SEZ6L: variants seen among roughly 807,000 people sequenced by gnomAD.
SEZ6L encodes seizure related 6 homolog like.
Under a neutral mutation model 106.2 loss-of-function variants are expected in SEZ6L, and 37 were observed. That is an observed-to-expected ratio of 0.35 (90% confidence interval 0.27 to 0.46). The LOEUF is 0.46. Among genes scored for constraint, SEZ6L ranks in the 20% least tolerant of loss-of-function variants. The probability of loss-of-function intolerance (pLI) is 1.00; values close to 1 mark genes in which losing one functional copy is unlikely to be tolerated. For missense variants in SEZ6L, 1,172 were observed against 1,332.8 expected, an observed-to-expected ratio of 0.88 and a Z score of 1.88; for synonymous variants, 541 against 570.4, an observed-to-expected ratio of 0.95 and a Z score of 0.73.
intron 1 of SEZ6L, among the ~76,000 whole-genome samples, chr22:26,225,923 A>G (rs2078621722): frequency 6.6e-6 from 1 of 152,204 alleles, no homozygotes; most frequent in Non-Finnish European, 1.5e-5. Flanking sequence ...CGATATCACC[A>G]TATCTATGGT....
chr22:26,311,779 G>A lies in SEZ6L; in HGVS notation c.1693G>A (p.Gly565Ser). ...TTTCCCTTCCTCAGCGTTTGAGAAA[G>A]GCCACTGCTATGAGCCCTACATCCA... ...FNIRFEAFEK[G>S]HCYEPYIQNG... The change falls in exon 8 of 17, where the codon GGC (glycine) becomes AGC (serine). Residue 565 changes from glycine (G) to serine (S), a missense_variant. Coordinates refer to ENST00000248933, the MANE Select transcript of SEZ6L (RefSeq NM_021115.5). The A allele has an allele frequency of 6.2e-7, 1 of 1,613,984 alleles. No individual in the cohort carries two copies. The highest frequency in any genetic ancestry group is 8.5e-7 in the Non-Finnish European group (1 of 1,179,876).
chr22:26,349,439 G>T (rs995865044), intron 11 of SEZ6L, among the ~76,000 whole-genome samples: 4 of 152,184 alleles, frequency 2.6e-5, no homozygotes, highest in African/African-American at 9.7e-5. Context: ...GTTACTCTTT[G>T]GAAACAACGC....
At chr22:26,361,398 T>G (rs2083622274) in intron 12 of SEZ6L, among the ~76,000 whole-genome samples, 1 of 149,092 alleles carries the variant, frequency 6.7e-6, no homozygotes, top group Admixed American at 6.7e-5. Context: ...TCCCAGCTAC[T>G]CGGGAGGCTG....
chr22:26,354,699 C>T (rs2083384535), intron 12 of SEZ6L, among the ~76,000 whole-genome samples: 1 of 152,192 alleles, frequency 6.6e-6, no homozygotes, highest in Admixed American at 6.5e-5. Context: ...AGCACTTCAC[C>T]AATGAGACCC....
At chr22:26,337,209 T>C (rs528194338) in intron 9 of SEZ6L, among the ~76,000 whole-genome samples, 37 of 152,276 alleles carry the variant, frequency 2.4e-4, no homozygotes, top group Admixed American at 1.2e-3. Flanking sequence ...AACCAAAGCT[T>C]TCTGATTTCC....
intron 10 of SEZ6L, among the ~76,000 whole-genome samples, chr22:26,345,000 T>C (rs1234117180): frequency 6.6e-6 from 1 of 152,222 alleles, no homozygotes; most frequent in Non-Finnish European, 1.5e-5. Context: ...GAACAGACCA[T>C]TCCAGAGCCT....
At chr22:26,231,973 G>A (rs1014086000) in intron 1 of SEZ6L, among the ~76,000 whole-genome samples, 1 of 152,058 alleles carries the variant, frequency 6.6e-6, no homozygotes, top group Non-Finnish European at 1.5e-5. Context: ...CTGCCCTGGG[G>A]TCCCCACAGC....
Position 26,347,882 on chromosome 22 carries a change from C to G in SEZ6L, c.2376C>G (p.Ser792Arg), listed in dbSNP as rs2083063334. 6.3e-7 allele frequency: 1 copy of G among 1,579,564 alleles called. No individual in the cohort carries two copies. The highest frequency in any genetic ancestry group is 8.6e-7 in the Non-Finnish European group (1 of 1,168,614). Residue 792 changes from serine (S) to arginine (R), a missense_variant, in exon 11 of 17, where the codon AGC (serine) becomes AGG (arginine). By Grantham distance (110) the Ser-to-Arg change is moderately radical (BLOSUM62 -1). Coordinates refer to ENST00000248933, the MANE Select transcript of SEZ6L (RefSeq NM_021115.5). Reference protein sequence around the residue: ...SDTLTCQWDLSWSSDPPFCEK... With the variant: ...SDTLTCQWDLRWSSDPPFCEK... ...CCCTCACCTGCCAGTGGGACCTCAG[C>G]TGGAGCAGCGACCCCCCATTTTGTG...
chr22:26,247,010 A>G (rs1365975091), intron 1 of SEZ6L, among the ~76,000 whole-genome samples: 1 of 152,192 alleles, frequency 6.6e-6, no homozygotes, highest in Non-Finnish European at 1.5e-5. Flanking sequence ...AGGCTTTGCA[A>G]ATATCAAGGG....
At chr22:26,338,556 C>A (rs62225726) in intron 9 of SEZ6L, among the ~76,000 whole-genome samples, 1 of 143,866 alleles carries the variant, frequency 7.0e-6, no homozygotes, top group Admixed American at 6.9e-5. Context: ...CACCACCACA[C>A]CAAAAAAAAA....
chr22:26,371,047 TG>T (rs2084018533), intron 13 of SEZ6L, among the ~76,000 whole-genome samples: 3 of 151,452 alleles, frequency 2.0e-5, no homozygotes, highest in Non-Finnish European at 4.4e-5. Flanking sequence ...CATATCATGC[TG>T]TATTCTGTGT....
chr22:26,307,127 G>A (rs1386725691), intron 6 of SEZ6L, among the ~76,000 whole-genome samples: 1 of 152,196 alleles, frequency 6.6e-6, no homozygotes, highest in African/African-American at 2.4e-5. Flanking sequence ...CCTCAGAGTG[G>A]TCCTGTTGGA....
chr22:26,322,590 C>T (rs1017881442), intron 9 of SEZ6L, among the ~76,000 whole-genome samples: 1 of 152,126 alleles, frequency 6.6e-6, no homozygotes, highest in African/African-American at 2.4e-5. Flanking sequence ...GTGCCAGTTG[C>T]CCGGAGTTAA....
In SEZ6L at chr22:26,338,380, T is replaced by G. The variant is rs600234; in HGVS notation, c.2016-2056T>G. Among the ~76,000 whole-genome samples, 1,497 of 152,170 alleles carry G rather than the reference T, an allele frequency of 9.8e-3. 31 individuals are homozygous for G. The highest frequency in any genetic ancestry group is 0.034 in the African/African-American group (1,400 of 41,534). ...CTTTCTTCCCTCTGCCTTCTCCCCATCATTCATTGTTTTCTTTTGTTTTGT... is the reference window on the plus strand; with the variant it reads ...CTTTCTTCCCTCTGCCTTCTCCCCAGCATTCATTGTTTTCTTTTGTTTTGT... On this transcript the variant is annotated intron_variant, in intron 9 of 16. Coordinates refer to ENST00000248933, the MANE Select transcript of SEZ6L (RefSeq NM_021115.5).
At chr22:26,299,209 A>C (rs2081383194) in intron 5 of SEZ6L, 40 bp downstream of exon 5, 1 of 1,331,894 alleles carries the variant, frequency 7.5e-7, no homozygotes, top group African/African-American at 1.5e-5. Context: ...TGATGGTCCA[A>C]CTAAGAGGGG....
intron 1 of SEZ6L, among the ~76,000 whole-genome samples, chr22:26,284,008 A>G (rs912785889): frequency 2.6e-5 from 4 of 152,256 alleles, no homozygotes; most frequent in African/African-American, 9.6e-5. Context: ...TCAGACAGAT[A>G]GAAAATGACA....
intron 6 of SEZ6L, among the ~76,000 whole-genome samples, chr22:26,309,817 G>A (rs1213754162): frequency 6.6e-6 from 1 of 152,150 alleles, no homozygotes; most frequent in South Asian, 2.1e-4. Context: ...GACCTCAGGT[G>A]ATCCACCCAC....
intron 1 of SEZ6L, among the ~76,000 whole-genome samples, chr22:26,278,999 A>AGGAAAGAC (rs1556301618): frequency 2.2e-5 from 3 of 135,528 alleles, no homozygotes; most frequent in African/African-American, 5.6e-5. Flanking sequence ...GAAGGAAGGA[A>AGGAAAGAC]GGAAGGAAGG....
intron 12 of SEZ6L, among the ~76,000 whole-genome samples, chr22:26,355,882 C>T (rs1425163667): frequency 1.3e-5 from 2 of 152,222 alleles, no homozygotes; most frequent in Non-Finnish European, 2.9e-5. Flanking sequence ...CCCCAGGGCA[C>T]TTTAAGAACA....
Sources: gnomAD v4.1 joint callset for allele counts (sites outside exome capture counted in the v4.1 genomes callset) on GRCh38, gnomAD v4.1.1 for gene constraint, MANE v1.5 for transcripts, NCBI Gene and HGNC (gene_info 2026-07-23, HGNC 2026-07-21) for gene names.